Variants in PRIM2 observed in about 807,000 individuals in gnomAD.
PRIM2 encodes the protein DNA primase subunit 2, also known as DNA primase large subunit.
In PRIM2, 39 loss-of-function variants were observed where a neutral mutation model predicts 67.3. The ratio of observed to expected loss-of-function variants is 0.58; its 90% CI spans 0.45 to 0.76. The LOEUF (loss-of-function observed/expected upper bound fraction) is 0.76, where lower values mean the gene tolerates loss of function less well. Ranked by LOEUF, PRIM2 falls within the 30% of genes least tolerant of loss-of-function variation. The pLI is 0.00. For missense variants in PRIM2, 398 were observed against 598.7 expected (o/e 0.66, Z 3.50); for synonymous variants, 143 against 198.7 (o/e 0.72, Z 2.36).
intron 9 of PRIM2, 58 bp downstream of exon 9, chr6:57,532,541 C>G: frequency 1.2e-6 from 1 of 842,324 alleles, no homozygotes; most frequent in Non-Finnish European, 1.8e-6. Context: ...CATAGATTTT[C>G]TTAAATCAAA....
chr6:57,424,195 G>A (rs1265059272), intron 7 of PRIM2, among the ~76,000 whole-genome samples: 1 of 152,092 alleles, frequency 6.6e-6, no homozygotes, highest in Non-Finnish European at 1.5e-5. Context: ...TTTTTTCAGT[G>A]TTAGCTGTCT....
intron 10 of PRIM2, among the ~76,000 whole-genome samples, chr6:57,538,475 T>C (rs1350228367): frequency 6.6e-6 from 1 of 152,212 alleles, no homozygotes; most frequent in Non-Finnish European, 1.5e-5. Context: ...AAATATGATT[T>C]CTTGCCCCTT....
intron 10 of PRIM2, among the ~76,000 whole-genome samples, chr6:57,576,143 C>A (rs1219828823): frequency 6.5e-4 from 99 of 151,876 alleles, no homozygotes; most frequent in African/African-American, 2.3e-3. Flanking sequence ...AACATGTTCC[C>A]AACATGTTGG....
chr6:57,557,317 C>T lies in PRIM2; in HGVS notation c.1020+19692C>T, dbSNP rs1162181244. Among the ~76,000 whole-genome samples the T allele has an allele frequency of 9.3e-5, 14 of 151,282 alleles. No homozygotes were observed. In the East Asian group the frequency reaches 1.4e-3, roughly 15 times the overall value. ...ATTCTACCATAAAGACATATGCACG[C>T]GAATGTTCATTGCAGCACTATTCAC... is the stretch of plus-strand genomic sequence containing the variant. On this transcript the variant is annotated intron_variant, in intron 10 of 13. Transcript: ENST00000615550.
the PRIM2 span, among the ~76,000 whole-genome samples, chr6:57,275,290 C>T: frequency 6.6e-6 from 1 of 152,062 alleles, no homozygotes; most frequent in African/African-American, 2.4e-5. Context: ...GTGGGTGAAT[C>T]AAATGAGGCC....
chr6:57,488,509 A>T (rs1408173252), intron 7 of PRIM2, among the ~76,000 whole-genome samples: 7 of 152,382 alleles, frequency 4.6e-5, no homozygotes, highest in African/African-American at 1.7e-4. Context: ...TTAAGTAGTC[A>T]CTTGGAATTT....
At chr6:57,367,786 A>G (rs1318893876) in intron 5 of PRIM2, among the ~76,000 whole-genome samples, 1 of 152,158 alleles carries the variant, frequency 6.6e-6, no homozygotes, top group Non-Finnish European at 1.5e-5. Flanking sequence ...TGGACTTCTT[A>G]CTTCATGATC....
At chr6:57,535,560 A>G (rs1330489298) in intron 9 of PRIM2, among the ~76,000 whole-genome samples, 1 of 152,206 alleles carries the variant, frequency 6.6e-6, no homozygotes, top group Admixed American at 6.5e-5. Context: ...TCTGTTATGT[A>G]TAATTGAAAA....
At chr6:57,382,894 T>C (rs1222560250) in intron 7 of PRIM2, 1 of 152,186 alleles carries the variant, frequency 6.6e-6, no homozygotes, top group Non-Finnish European at 1.5e-5. Flanking sequence ...AAGCTTTCCT[T>C]CTCAGTTAAA....
At chr6:57,325,165 A>G (rs1032340587) in intron 4 of PRIM2, among the ~76,000 whole-genome samples, 1 of 152,204 alleles carries the variant, frequency 6.6e-6, no homozygotes, top group African/African-American at 2.4e-5. Context: ...CCATAAGCAA[A>G]GTTTCCTTTG....
upstream of PRIM2, among the ~76,000 whole-genome samples, chr6:57,312,876 G>T (rs1767413378): frequency 6.6e-6 from 1 of 152,066 alleles, no homozygotes; most frequent in African/African-American, 2.4e-5. Context: ...TTATATAGTA[G>T]GAGGTAGGGA....
In PRIM2 at chr6:57,624,926, G is replaced by A. The variant is rs1275686518; in HGVS notation, c.1231-7207G>A. Among the ~76,000 whole-genome samples the A allele has an allele frequency of 1.2e-3, 177 of 152,278 alleles. 3 individuals are homozygous for A. In the East Asian group the frequency reaches 0.028, roughly 24 times the overall value. ...AATCATGGTGGAAGGTGAGAGGCAC[G>A]TCTTACATAGCAGCAGACAAGAGAG... On this transcript the variant is annotated intron_variant, in intron 12 of 13. Coordinates refer to ENST00000615550, the MANE Select transcript of PRIM2 (RefSeq NM_000947.5).
At chr6:57,409,680 A>C (rs1771019433) in intron 7 of PRIM2, among the ~76,000 whole-genome samples, 1 of 152,186 alleles carries the variant, frequency 6.6e-6, no homozygotes, top group South Asian at 2.1e-4. Flanking sequence ...ATGTATGATG[A>C]TATCTCATTG....
chr6:57,474,230 A>C (rs1361079885), intron 7 of PRIM2, among the ~76,000 whole-genome samples: 2 of 90,126 alleles, frequency 2.2e-5, no homozygotes, highest in African/African-American at 1.0e-4. Context: ...GCTGGAGTGC[A>C]GTGGCGCCAT....
chr6:57,365,870 G>T (rs78798812), intron 5 of PRIM2, among the ~76,000 whole-genome samples: 3 of 147,306 alleles, frequency 2.0e-5, no homozygotes, highest in Non-Finnish European at 4.4e-5. Context: ...GGAGGCTGAG[G>T]CAGGAGAATT....
chr6:57,582,266 A>G (rs1393618674), intron 10 of PRIM2, among the ~76,000 whole-genome samples: 1 of 152,158 alleles, frequency 6.6e-6, no homozygotes, highest in Non-Finnish European at 1.5e-5. Context: ...AACTGGTAAG[A>G]AAACTAAATT....
At chr6:57,276,031 A>G in the PRIM2 span, among the ~76,000 whole-genome samples, 2 of 152,190 alleles carry the variant, frequency 1.3e-5, no homozygotes, top group African/African-American at 2.4e-5. Flanking sequence ...AAAATATAGA[A>G]CTGAACAAAG....
At chr6:57,508,929 C>T (rs1554347464) in intron 8 of PRIM2, among the ~76,000 whole-genome samples, 1 of 152,178 alleles carries the variant, frequency 6.6e-6, no homozygotes, top group Non-Finnish European at 1.5e-5. Flanking sequence ...AACATACCTA[C>T]ATTTTCAGGT....
intron 7 of PRIM2, among the ~76,000 whole-genome samples, chr6:57,478,873 G>A (rs1449987904): frequency 3.3e-5 from 5 of 152,314 alleles, no homozygotes; most frequent in South Asian, 2.1e-4. Flanking sequence ...TCGGCTGGGC[G>A]CGGTGGCTCA....
Sources: gnomAD v4.1 joint callset for allele counts (sites outside exome capture counted in the v4.1 genomes callset) on GRCh38, gnomAD v4.1.1 for gene constraint, MANE v1.5 for transcripts, NCBI Gene and HGNC (gene_info 2026-07-23, HGNC 2026-07-21) for gene names.